Variants in ITPR3 observed in about 807,000 individuals in gnomAD.
ITPR3 encodes inositol 1,4,5-trisphosphate receptor type 3.
In ITPR3, 173 loss-of-function variants were observed where a neutral mutation model predicts 293.2. The observed-to-expected ratio is 0.59, with a 90% CI of 0.52 to 0.67. The LOEUF is 0.67. ITPR3 is among the 30% of genes least tolerant of loss of function. The pLI is 0.00. For synonymous variants in ITPR3, 1,295 were observed against 1,444.4 expected (o/e 0.90, Z 2.35); for missense variants, 2,796 against 3,592.1 (o/e 0.78, Z 5.66).
chr6:33,640,057 C>T (rs1342420688), intron 1 of ITPR3, among the ~76,000 whole-genome samples: 1 of 152,166 alleles, frequency 6.6e-6, no homozygotes, highest in Non-Finnish European at 1.5e-5. Context: ...GTCTTTCTGA[C>T]TCTCTGTCTC....
intron 39 of ITPR3, among the ~76,000 whole-genome samples, 155 bp downstream of exon 39, chr6:33,685,098 G>T (rs1431315737): frequency 2.6e-5 from 4 of 152,232 alleles, no homozygotes; most frequent in African/African-American, 9.6e-5. Context: ...CATGATGGGG[G>T]CAGGGTGGTG....
rs746044365 is a variant in ITPR3, at chr6:33,671,327, G to T, written c.2728+21G>T. ...CGGTGGTGAGGCCTTTGCCCGGCTC[G>T]GGCCACCCTGGTGGTCCTCAGCCTC... is the stretch of plus-strand genomic sequence containing the variant. On this transcript the variant is annotated intron_variant, in intron 21 of 57. Transcript: ENST00000605930. 3.8e-6 allele frequency: 6 copies of T among 1,586,124 alleles called. No homozygotes were observed. The African/African-American group carries it at 4.0e-5, about 11-fold the overall frequency.
rs552081118 is a variant in ITPR3, at chr6:33,685,074, G to C, written c.5307+131G>C. The stretch of plus-strand genomic sequence containing the variant: ...GAGAGGCCTGAGCAGTGGCTGAGAG[G>C]TGAGAAGAGTGGGCATGATGGGGGC... On this transcript the variant is annotated intron_variant, in intron 39 of 57. Transcript: ENST00000605930. 1.7e-4 allele frequency: 186 copies of C among 1,086,302 alleles called. 1 individual carries two copies. Among genetic ancestry groups the C allele is most frequent in the Admixed American group, 5.3e-5 (2 of 38,052 alleles). 67.3% of individuals were successfully genotyped at this position (1,086,302 alleles called of 1,614,324 possible).
rs1346738099 is a variant in ITPR3, at chr6:33,666,446, A to T, written c.1551+470A>T. Among the ~76,000 whole-genome samples, 1 of 152,176 alleles carries T rather than the reference A, an allele frequency of 6.6e-6. No individual in the cohort carries two copies. Among genetic ancestry groups the T allele is most frequent in the Non-Finnish European group, 1.5e-5 (1 of 68,042 alleles). ...CGTCTTTCCATCCACACATTGCAAA[A>T]TAGGCAGCATTTTACACCCAAAAGT... On this transcript the variant is annotated intron_variant, in intron 14 of 57. Coordinates refer to ENST00000605930, the MANE Select transcript of ITPR3 (RefSeq NM_002224.4). This position sits in a 1 kb window ranked among gnomAD's most constrained non-coding sequence, Gnocchi z 5.1.
rs1182143348 is a variant in ITPR3, at chr6:33,692,386, T to C, written c.7459-342T>C. Among the ~76,000 whole-genome samples the C allele has an allele frequency of 3.3e-5, 5 of 151,922 alleles. No homozygotes were observed. The East Asian group carries it at 9.7e-4, about 30-fold the overall frequency. ...CAGGCGTCCTGAGGGTGGGCAGAGG[T>C]GTTCAGAGCTGCCTCTTTCCCTCAT... On this transcript the variant is annotated intron_variant, in intron 54 of 57. Transcript: ENST00000605930. This position sits in a 1 kb window ranked among gnomAD's most constrained non-coding sequence, Gnocchi z 4.2.
chr6:33,656,939 C>T (rs1354855801), intron 3 of ITPR3, among the ~76,000 whole-genome samples: 3 of 152,188 alleles, frequency 2.0e-5, no homozygotes, highest in Non-Finnish European at 2.9e-5. Flanking sequence ...GTATTAATAC[C>T]TCAGCTCTCT....
In ITPR3 at chr6:33,678,404, C is replaced by T. The variant is rs1325625664; in HGVS notation, c.3649-17C>T. 1 of 1,611,706 alleles carries T rather than the reference C, an allele frequency of 6.2e-7. No individual in the cohort carries two copies. Among genetic ancestry groups the T allele is most frequent in the Non-Finnish European group, 8.5e-7 (1 of 1,178,620 alleles). ...CCTTGGTGGGCCCAGCACCCTCTCC[C>T]TGACTCCTGTGTCCAGGGTGATGCC... On this transcript the variant is annotated splice_polypyrimidine_tract_variant and intron_variant, in intron 28 of 57. Transcript: ENST00000605930.
In ITPR3 at chr6:33,675,787, C is replaced by T; in HGVS notation, c.3213C>T (p.Val1071=). The change falls in exon 25 of 58, where the codon GTC becomes GTT. Residue 1071 remains valine (V), a synonymous_variant. Transcript: ENST00000605930. The surrounding 1 kb of genome is among the most constrained non-coding windows in gnomAD (Gnocchi z 5.0). ...HLTMHDYAPL[V]SGALQLLFKH... Reference sequence around the variant, plus strand: ...CCATGCACGACTATGCGCCGCTGGTCTCGGGTGCCCTGCAGCTGCTCTTCA... The same window carrying T: ...CCATGCACGACTATGCGCCGCTGGTTTCGGGTGCCCTGCAGCTGCTCTTCA... 6.2e-7 allele frequency: 1 copy of T among 1,609,426 alleles called. No individual in the cohort carries two copies. The highest frequency in any genetic ancestry group is 8.5e-7 in the Non-Finnish European group (1 of 1,178,210).
In ITPR3 at chr6:33,627,837, C is replaced by T. The variant is rs544449249; in HGVS notation, c.89+6146C>T. ...GGTTAGGTACTAGGCACTTCCCAGG[C>T]AGTGCGAGGATGTGATGGAGAAGGG... On this transcript the variant is annotated intron_variant, in intron 1 of 57. Coordinates refer to ENST00000605930, the MANE Select transcript of ITPR3 (RefSeq NM_002224.4). Among the ~76,000 whole-genome samples, 32 of 152,282 alleles carry T rather than the reference C, an allele frequency of 2.1e-4. No homozygotes were observed. In the South Asian group the frequency reaches 6.4e-3, roughly 31 times the overall value.
chr6:33,658,604 T>C lies in ITPR3; in HGVS notation c.370-66T>C. Reference sequence around the variant, plus strand: ...ACCAAGGGTCTAGGGGATCCCCCCATATCCCCTCCCTAATGGGCCGACTCC... The same window carrying C: ...ACCAAGGGTCTAGGGGATCCCCCCACATCCCCTCCCTAATGGGCCGACTCC... On this transcript the variant is annotated intron_variant, in intron 4 of 57. Coordinates refer to ENST00000605930, the MANE Select transcript of ITPR3 (RefSeq NM_002224.4). This position sits in a 1 kb window ranked among gnomAD's most constrained non-coding sequence, Gnocchi z 6.1. The C allele has an allele frequency of 6.4e-7, 1 of 1,558,418 alleles. No individual in the cohort carries two copies.
Position 33,667,066 on chromosome 6 carries a change from G to C in ITPR3, c.1552-63G>C. ...CAGTTGGGACTCAGGGATGACTCCTGGGATGACTTAGGGGTACAGACAGGT... is the reference window on the plus strand; with the variant it reads ...CAGTTGGGACTCAGGGATGACTCCTCGGATGACTTAGGGGTACAGACAGGT... On this transcript the variant is annotated intron_variant, in intron 14 of 57. Coordinates refer to ENST00000605930, the MANE Select transcript of ITPR3 (RefSeq NM_002224.4). The surrounding 1 kb of genome is among the most constrained non-coding windows in gnomAD (Gnocchi z 4.4). 9 of 1,572,484 alleles carry C rather than the reference G, an allele frequency of 5.7e-6. No individual in the cohort carries two copies. In the East Asian group the frequency reaches 1.8e-4, roughly 31 times the overall value.
Position 33,675,772 on chromosome 6 carries a change from C to T in ITPR3, c.3198C>T (p.Asp1066=), listed in dbSNP as rs749941638. The T allele has an allele frequency of 1.2e-6, 2 of 1,612,518 alleles. No homozygotes were observed. Among genetic ancestry groups the T allele is most frequent in the Non-Finnish European group, 1.7e-6 (2 of 1,179,672 alleles). Residue 1066 remains aspartate, a synonymous_variant, in exon 25 of 58, where the codon GAC becomes GAT. Transcript: ENST00000605930. The surrounding 1 kb of genome is among the most constrained non-coding windows in gnomAD (Gnocchi z 5.0). Reference sequence around the variant, plus strand: ...TGCTCATCCACCTCACCATGCACGACTATGCGCCGCTGGTCTCGGGTGCCC... The same window carrying T: ...TGCTCATCCACCTCACCATGCACGATTATGCGCCGCTGGTCTCGGGTGCCC... ...LRVLIHLTMH[D]YAPLVSGALQ...
rs964598081 is a variant in ITPR3 at position 33,659,013 on chromosome 6, C to T, written c.529-8C>T. On this transcript the variant is annotated splice_polypyrimidine_tract_variant and splice_region_variant and intron_variant, in intron 5 of 57. Coordinates refer to ENST00000605930, the MANE Select transcript of ITPR3 (RefSeq NM_002224.4). ...TTCCCACCTAACCTGTCCCACCTGTCTGCTCAGGTGGTCGTGGGGGACAAG... is the reference window on the plus strand; with the variant it reads ...TTCCCACCTAACCTGTCCCACCTGTTTGCTCAGGTGGTCGTGGGGGACAAG... The T allele has an allele frequency of 3.7e-6, 6 of 1,613,084 alleles. No individual in the cohort carries two copies. In the Admixed American group the frequency reaches 5.0e-5, roughly 13 times the overall value.
intron 1 of ITPR3, among the ~76,000 whole-genome samples, chr6:33,636,637 A>G (rs559861714): frequency 6.6e-6 from 1 of 151,806 alleles, no homozygotes; most frequent in South Asian, 2.1e-4. Context: ...CCTCTGGAGG[A>G]GCATGTTCCG....
chr6:33,678,760 A>T lies in ITPR3; in HGVS notation c.3893A>T (p.Gln1298Leu). The change falls in exon 30 of 58, where the codon CAG becomes CTG. Residue 1298 changes from glutamine to leucine, a missense_variant. Gln to Leu is a moderately radical substitution (Grantham distance 113, BLOSUM62 -2). Transcript: ENST00000605930. ...HLLATHGRHV[Q>L]YLDFLHTVIK... ...CTGGCCACGCACGGGCGCCATGTGCAGTACCTGGACTTCCTGCACACCGTC... is the reference window on the plus strand; with the variant it reads ...CTGGCCACGCACGGGCGCCATGTGCTGTACCTGGACTTCCTGCACACCGTC... 6.2e-7 allele frequency: 1 copy of T among 1,613,672 alleles called. No individual in the cohort carries two copies. Among genetic ancestry groups the T allele is most frequent in the Non-Finnish European group, 8.5e-7 (1 of 1,179,920 alleles).
At chr6:33,627,657 C>T (rs1763578771) in intron 1 of ITPR3, among the ~76,000 whole-genome samples, 2 of 152,216 alleles carry the variant, frequency 1.3e-5, no homozygotes. Context: ...AGACAAGGTA[C>T]ACCTTTAACT....
intron 7 of ITPR3, 36 bp downstream of exon 7, chr6:33,659,585 C>T (rs969120857): frequency 1.3e-6 from 2 of 1,563,166 alleles, no homozygotes; most frequent in African/African-American, 2.7e-5. Flanking sequence ...CCCAGCTGGC[C>T]ACCTAGCCCT....
chr6:33,671,303 G>C lies in ITPR3; in HGVS notation c.2725G>C (p.Gly909Arg). Reference sequence around the variant, plus strand: ...CATGCTGCAGGCCTATGAGGACCCCGGTGGTGAGGCCTTTGCCCGGCTCGG... The same window carrying C: ...CATGCTGCAGGCCTATGAGGACCCCCGTGGTGAGGCCTTTGCCCGGCTCGG... ...PAMLQAYEDP[G>R]GKNVRRSIQG... Residue 909 changes from glycine to arginine, a missense_variant, in exon 21 of 58, where the codon GGT becomes CGT. By Grantham distance (125) the Gly-to-Arg change is moderately radical. Coordinates refer to ENST00000605930, the MANE Select transcript of ITPR3 (RefSeq NM_002224.4). 6.2e-7 allele frequency: 1 copy of C among 1,611,124 alleles called. No homozygotes were observed. The highest frequency in any genetic ancestry group is 8.5e-7 in the Non-Finnish European group (1 of 1,178,736).
chr6:33,660,581 C>G (rs548001302), intron 7 of ITPR3, among the ~76,000 whole-genome samples: 180 of 152,262 alleles, frequency 1.2e-3, no homozygotes, highest in Admixed American at 2.3e-3. Flanking sequence ...TGCACTACCC[C>G]TCCTGGAAGC....
Sources: gnomAD v4.1 joint callset for allele counts (sites outside exome capture counted in the v4.1 genomes callset) on GRCh38, gnomAD v4.1.1 for gene constraint, Gnocchi (gnomAD v3.1) non-coding constraint, MANE v1.5 for transcripts, NCBI Gene and HGNC (gene_info 2026-07-23, HGNC 2026-07-21) for gene names.